FRG2: variants seen among roughly 807,000 people sequenced by gnomAD.
FRG2 encodes FSHD region gene 2.
Under a neutral mutation model 24.9 loss-of-function variants are expected in FRG2, and 9 were observed. The observed-to-expected ratio is 0.36, with a 90% confidence interval of 0.22 to 0.63. FRG2 has a LOEUF of 0.63. Among genes scored for constraint, FRG2 ranks in the 20% least tolerant of loss-of-function variants. The pLI, the probability that FRG2 is intolerant of heterozygous loss-of-function variation, is 0.68. For synonymous variants in FRG2, 51 were observed against 117.2 expected, an observed-to-expected ratio of 0.44 and a Z score of 3.65; for missense variants, 126 against 305.4, an observed-to-expected ratio of 0.41 and a Z score of 4.38.
In FRG2 at chr4:190,025,965, G is replaced by A; in HGVS notation, c.436C>T (p.His146Tyr). Residue 146 changes from histidine to tyrosine, a missense_variant, in exon 4 of 4, where the codon CAT (histidine) becomes TAT (tyrosine). Around this residue, in one of 4 missense-constraint regions of FRG2, gnomAD observed 75 missense variants for 89.1 expected, o/e 0.84. Coordinates refer to ENST00000504750, the MANE Select transcript of FRG2 (RefSeq NM_001286820.2). Reference protein sequence around the residue: ...SEIQETCDAHHRGHSRACTGH... With the variant: ...SEIQETCDAHYRGHSRACTGH... ...GTGCAAGCCCTGGAATGTCCCCTAT[G>A]GTGGGCATCACAGGTCTCCTGGATT... 6.2e-7 allele frequency: 1 copy of A among 1,614,036 alleles called. No individual in the cohort carries two copies. The highest frequency in any genetic ancestry group is 8.5e-7 in the Non-Finnish European group (1 of 1,179,878).
rs1360367469 is a variant in FRG2, at chr4:190,025,255, G to A, written c.*306C>T. The A allele has an allele frequency of 2.8e-4, 26 of 93,924 alleles. No individual in the cohort carries two copies. The highest frequency in any genetic ancestry group is 9.3e-4 in the African/African-American group (16 of 17,226). The allele number at this position is 93,924 out of a possible 1,614,324, so 5.8% of individuals were successfully genotyped here. On this transcript the variant is annotated 3_prime_UTR_variant, in exon 4 of 4. Transcript: ENST00000504750. Reference sequence around the variant, plus strand: ...TACAATCTAAAATATGCAAATTCACGATTACATTCTAATGTTTTTCTGATT... The same window carrying A: ...TACAATCTAAAATATGCAAATTCACAATTACATTCTAATGTTTTTCTGATT...
chr4:190,025,755 C>CCCGGAG lies in FRG2; in HGVS notation c.640_645dup (p.Leu214_Arg215dup). The CCCGGAG allele has an allele frequency of 1.2e-6, 2 of 1,608,824 alleles. No homozygotes were observed. The highest frequency in any genetic ancestry group is 1.7e-6 in the Non-Finnish European group (2 of 1,178,198). On this transcript the variant is annotated inframe_insertion, in exon 4 of 4. Transcript: ENST00000504750. Reference sequence around the variant, plus strand: ...GTCTGCACCTGGGCACACAGAGGCCCCCGGAGCCGAGTGAGCAGTGTCAGC... The same window carrying CCCGGAG: ...GTCTGCACCTGGGCACACAGAGGCCCCCGGAGCCGGAGCCGAGTGAGCAGTGTCAGC...
rs1355251275 is a variant in FRG2, at chr4:190,025,872, C to A, written c.529G>T (p.Val177Leu). The change falls in exon 4 of 4, where the codon GTG becomes TTG. Residue 177 changes from valine to leucine, a missense_variant. Coordinates refer to ENST00000504750, the MANE Select transcript of FRG2 (RefSeq NM_001286820.2). ...VQTPSIRKSL[V>L]TSVRAMSEAV... ...TCTGACATAGCTCGCACAGAAGTCA[C>A]CAAGCTTTTTCGAATTGACGGTGTT... is the stretch of plus-strand genomic sequence containing the variant. 6.2e-7 allele frequency: 1 copy of A among 1,613,896 alleles called. No homozygotes were observed. Among genetic ancestry groups the A allele is most frequent in the Non-Finnish European group, 8.5e-7 (1 of 1,179,882 alleles).
intron 3 of FRG2, 120 bp downstream of exon 3, chr4:190,026,264 G>C: frequency 1.1e-6 from 1 of 879,386 alleles, no homozygotes; most frequent in Non-Finnish European, 1.8e-6. Context: ...AAATTTACTC[G>C]TCAATAAGTA....
Position 190,027,058 on chromosome 4 carries a change from G to C in FRG2, c.147C>G (p.Ser49=). ...TTTGTATGTGCTTCTCACTGGAATG[G>C]GAGAAGGCGGTCTTGCCTTTTTCTT... The part of the protein sequence containing the change: ...PFKEKGKTAF[S]HSSEKHIQRQ... Residue 49 remains serine (S), a synonymous_variant, in exon 1 of 4, where the codon TCC becomes TCG. Transcript: ENST00000504750. 1 of 1,534,934 alleles carries C rather than the reference G, an allele frequency of 6.5e-7. No individual in the cohort carries two copies. The highest frequency in any genetic ancestry group is 8.8e-7 in the Non-Finnish European group (1 of 1,139,182).
chr4:190,025,955 T>A lies in FRG2; in HGVS notation c.446A>T (p.His149Leu). 1 of 1,614,048 alleles carries A rather than the reference T, an allele frequency of 6.2e-7. No homozygotes were observed. Among genetic ancestry groups the A allele is most frequent in the South Asian group, 1.1e-5 (1 of 91,078 alleles). ...QETCDAHHRGHSRACTGHSKR... is the reference protein window; with the variant it reads ...QETCDAHHRGLSRACTGHSKR... ...GCTGTGCCCAGTGCAAGCCCTGGAA[T>A]GTCCCCTATGGTGGGCATCACAGGT... Residue 149 changes from histidine to leucine, a missense_variant, in exon 4 of 4, where the codon CAT (histidine) becomes CTT (leucine). Transcript: ENST00000504750.
rs1385559975 is a variant in FRG2, at chr4:190,024,836, C to T, written c.*725G>A. 1.1e-4 allele frequency: 17 copies of T among 151,886 alleles called. No individual in the cohort carries two copies. The highest frequency in any genetic ancestry group is 3.6e-4 in the African/African-American group (15 of 41,552). 9.4% of individuals were successfully genotyped at this position (151,886 alleles called of 1,614,324 possible). ...TATTAATGGTTTGTGGATATTAGTA[C>T]TCCATGGGTTCAGGCTGGAAGAGTG... On this transcript the variant is annotated 3_prime_UTR_variant, in exon 4 of 4. Transcript: ENST00000504750.
Position 190,025,834 on chromosome 4 carries a change from T to G in FRG2, c.567A>C (p.Gln189His), listed in dbSNP as rs1417692165. ...SVRAMSEAVY[Q>H]DLAQVWAQQI... Reference sequence around the variant, plus strand: ...GCTGTGCCCACACCTGGGCTAGGTCTTGATAAACAGCCTCTGACATAGCTC... The same window carrying G: ...GCTGTGCCCACACCTGGGCTAGGTCGTGATAAACAGCCTCTGACATAGCTC... The change falls in exon 4 of 4, where the codon CAA becomes CAC. Residue 189 changes from glutamine (Q) to histidine (H), a missense_variant. Gln to His is a conservative substitution (Grantham distance 24). Transcript: ENST00000504750. 1 of 1,613,626 alleles carries G rather than the reference T, an allele frequency of 6.2e-7. No homozygotes were observed. Among genetic ancestry groups the G allele is most frequent in the African/African-American group, 1.3e-5 (1 of 74,850 alleles).
At position 190,024,825 on chromosome 4, in the gene FRG2, G is replaced by A. The variant is rs1334045420; in HGVS notation, c.*736C>T. On this transcript the variant is annotated 3_prime_UTR_variant, in exon 4 of 4. Transcript: ENST00000504750. ...ACAGGGAGTGCTATTAATGGTTTGT[G>A]GATATTAGTACTCCATGGGTTCAGG... The A allele has an allele frequency of 6.6e-6, 1 of 152,036 alleles. No homozygotes were observed. The highest frequency in any genetic ancestry group is 2.4e-5 in the African/African-American group (1 of 41,462). 9.4% of individuals were successfully genotyped at this position (152,036 alleles called of 1,614,324 possible). A position where few individuals can be genotyped will look rare whatever the true frequency, so the allele number is the denominator to read the frequency against.
At position 190,025,454 on chromosome 4, in the gene FRG2, C is replaced by T. The variant is rs1305563598; in HGVS notation, c.*107G>A. 7.0e-6 allele frequency: 3 copies of T among 431,074 alleles called. No individual in the cohort carries two copies. Among genetic ancestry groups the T allele is most frequent in the Non-Finnish European group, 7.8e-6 (2 of 255,290 alleles). 26.7% of individuals were successfully genotyped at this position (431,074 alleles called of 1,614,324 possible). On this transcript the variant is annotated 3_prime_UTR_variant, in exon 4 of 4. Coordinates refer to ENST00000504750, the MANE Select transcript of FRG2 (RefSeq NM_001286820.2). ...CTTCAGGTTCTGTCATTTATTAACACAGTGTGTCTAAAATTGTCACTGCTG... is the reference window on the plus strand; with the variant it reads ...CTTCAGGTTCTGTCATTTATTAACATAGTGTGTCTAAAATTGTCACTGCTG...
Position 190,025,926 on chromosome 4 carries a change from G to T in FRG2, c.475C>A (p.Arg159=), listed in dbSNP as rs1222227723. The part of the protein sequence containing the change: ...HSRACTGHSK[R]HRSRALGVQT... ...ACTCCTAGGGCCCGAGACCTATGCC[G>T]CTTGCTGTGCCCAGTGCAAGCCCTG... The change falls in exon 4 of 4, where the codon CGG becomes AGG. Residue 159 remains arginine (R), a synonymous_variant. Transcript: ENST00000504750. The T allele has an allele frequency of 1.2e-6, 2 of 1,613,898 alleles. No homozygotes were observed. Among genetic ancestry groups the T allele is most frequent in the Non-Finnish European group, 1.7e-6 (2 of 1,179,888 alleles).
rs1169712518 is a variant in FRG2, at chr4:190,025,913, C to G, written c.488G>C (p.Arg163Pro). ...CTGHSKRHRSRALGVQTPSIR... is the reference protein window; with the variant it reads ...CTGHSKRHRSPALGVQTPSIR... The stretch of plus-strand genomic sequence containing the variant: ...TGACGGTGTTTGGACTCCTAGGGCC[C>G]GAGACCTATGCCGCTTGCTGTGCCC... Residue 163 changes from arginine (R) to proline (P), a missense_variant, in exon 4 of 4, where the codon CGG becomes CCG. Arg to Pro is a moderately radical substitution (Grantham distance 103, BLOSUM62 -2). Around this residue, in one of 4 missense-constraint regions of FRG2, gnomAD observed 75 missense variants for 89.1 expected, o/e 0.84. Coordinates refer to ENST00000504750, the MANE Select transcript of FRG2 (RefSeq NM_001286820.2). 2.5e-6 allele frequency: 4 copies of G among 1,613,894 alleles called. No individual in the cohort carries two copies. The highest frequency in any genetic ancestry group is 1.7e-6 in the Non-Finnish European group (2 of 1,179,884).
rs1739524239 is a variant in FRG2, at chr4:190,026,038, C to G, written c.363G>C (p.Leu121Phe). ...AGNCPEKECSLSLNKKSRSST... is the reference protein window; with the variant it reads ...AGNCPEKECSFSLNKKSRSST... Reference sequence around the variant, plus strand: ...AGGATCTTGATTTTTTATTCAATGACAAGCTGCACTCCTTTTCTGGACAGT... The same window carrying G: ...AGGATCTTGATTTTTTATTCAATGAGAAGCTGCACTCCTTTTCTGGACAGT... The change falls in exon 4 of 4, where the codon TTG (leucine) becomes TTC (phenylalanine). Residue 121 changes from leucine to phenylalanine, a missense_variant. Coordinates refer to ENST00000504750, the MANE Select transcript of FRG2 (RefSeq NM_001286820.2). 6.2e-7 allele frequency: 1 copy of G among 1,612,410 alleles called. No individual in the cohort carries two copies. The highest frequency in any genetic ancestry group is 1.3e-5 in the African/African-American group (1 of 74,748).
rs1317524258 is a variant in FRG2 at position 190,024,900 on chromosome 4, T to C, written c.*661A>G. 1 of 143,212 alleles carries C rather than the reference T, an allele frequency of 7.0e-6. No individual in the cohort carries two copies. The highest frequency in any genetic ancestry group is 2.5e-5 in the African/African-American group (1 of 40,300). 8.9% of individuals were successfully genotyped at this position (143,212 alleles called of 1,614,324 possible). ...TTTTCTGGATTAAAAGAGAAGCAAT[T>C]TCTTGGTAAGGCGGCTCATGCCTGT... On this transcript the variant is annotated 3_prime_UTR_variant, in exon 4 of 4. Coordinates refer to ENST00000504750, the MANE Select transcript of FRG2 (RefSeq NM_001286820.2).
intron 3 of FRG2, 74 bp from the exon 4 acceptor site, chr4:190,026,140 C>T: frequency 6.7e-7 from 1 of 1,499,460 alleles, no homozygotes; most frequent in South Asian, 1.3e-5. Context: ...CCCTGTACAC[C>T]CAGGTGAACC....
Position 190,026,037 on chromosome 4 carries a change from A to G in FRG2, c.364T>C (p.Ser122Pro), listed in dbSNP as rs1244587355. ...GNCPEKECSLSLNKKSRSSTA... is the reference protein window; with the variant it reads ...GNCPEKECSLPLNKKSRSSTA... ...GAGGATCTTGATTTTTTATTCAATGACAAGCTGCACTCCTTTTCTGGACAG... is the reference window on the plus strand; with the variant it reads ...GAGGATCTTGATTTTTTATTCAATGGCAAGCTGCACTCCTTTTCTGGACAG... Residue 122 changes from serine to proline, a missense_variant, in exon 4 of 4, where the codon TCA (serine) becomes CCA (proline). Coordinates refer to ENST00000504750, the MANE Select transcript of FRG2 (RefSeq NM_001286820.2). The G allele has an allele frequency of 6.2e-7, 1 of 1,611,880 alleles. No individual in the cohort carries two copies. Among genetic ancestry groups the G allele is most frequent in the Non-Finnish European group, 8.5e-7 (1 of 1,178,582 alleles).
intron 3 of FRG2, 37 bp from the exon 4 acceptor site, chr4:190,026,103 T>A: frequency 6.4e-7 from 1 of 1,567,486 alleles, no homozygotes; most frequent in Non-Finnish European, 8.7e-7. Flanking sequence ...ACCAGAGCAG[T>A]CCCCACAGAC....
chr4:190,024,510 A>G lies in FRG2; in HGVS notation c.*1051T>C, dbSNP rs1258889082. 4.5e-3 allele frequency: 677 copies of G among 149,908 alleles called. No homozygotes were observed. Among genetic ancestry groups the G allele is most frequent in the African/African-American group, 0.016 (638 of 41,080 alleles). The allele number at this position is 149,908 out of a possible 1,614,324, so 9.3% of individuals were successfully genotyped here. A position where few individuals can be genotyped will look rare whatever the true frequency, so the allele number is the denominator to read the frequency against. ...ATAGTGTATGATCTCAGTACAAAATACAAGTAGAATATACGTCAAATATAA... is the reference window on the plus strand; with the variant it reads ...ATAGTGTATGATCTCAGTACAAAATGCAAGTAGAATATACGTCAAATATAA... On this transcript the variant is annotated 3_prime_UTR_variant, in exon 4 of 4. Coordinates refer to ENST00000504750, the MANE Select transcript of FRG2 (RefSeq NM_001286820.2).
rs1160519878 is a variant in FRG2, at chr4:190,024,429, T to C, written c.*1132A>G. 3.3e-5 allele frequency: 5 copies of C among 151,134 alleles called. No individual in the cohort carries two copies. Among genetic ancestry groups the C allele is most frequent in the Non-Finnish European group, 7.4e-5 (5 of 67,784 alleles). 9.4% of individuals were successfully genotyped at this position (151,134 alleles called of 1,614,324 possible). The stretch of plus-strand genomic sequence containing the variant: ...ATTCCAAACAACATTGTTTATTTCA[T>C]TACATAAAATGAAAATTATAAAGCA... On this transcript the variant is annotated 3_prime_UTR_variant, in exon 4 of 4. Coordinates refer to ENST00000504750, the MANE Select transcript of FRG2 (RefSeq NM_001286820.2).
Sources: gnomAD v4.1 joint callset for allele counts on GRCh38, gnomAD v4.1.1 for gene constraint, gnomAD v4.1.1 regional missense constraint, MANE v1.5 for transcripts, NCBI Gene and HGNC (gene_info 2026-07-23, HGNC 2026-07-21) for gene names.